BNIP5: variants seen among roughly 807,000 people sequenced by gnomAD.
The protein encoded by BNIP5 is BCL2 interacting protein 5, also known as protein BNIP5.
A neutral mutation model predicts 67.3 loss-of-function variants in BNIP5; 61 were observed. The observed-to-expected ratio is 0.91, with a 90% confidence interval of 0.74 to 1.12. The LOEUF (loss-of-function observed/expected upper bound fraction) is 1.12. Ranked by LOEUF, BNIP5 falls within the 50% of genes most tolerant of loss-of-function variation. The pLI, the probability that BNIP5 is intolerant of heterozygous loss-of-function variation, is 0.00. For synonymous variants in BNIP5, 317 were observed against 319.0 expected (o/e 0.99, Z 0.07); for missense variants, 826 against 816.3 (o/e 1.01, Z -0.14).
At position 36,336,493 on chromosome 6, in the gene BNIP5, C is replaced by T. The variant is rs1263424366; in HGVS notation, c.-5+219G>A. Among the ~76,000 whole-genome samples the T allele has an allele frequency of 2.0e-5, 3 of 152,092 alleles. No homozygotes were observed. The South Asian group carries it at 6.2e-4, about 32-fold the overall frequency. On this transcript the variant is annotated intron_variant, in intron 1 of 11. Transcript: ENST00000437635. ...GCCCAGAGCCCTTTGAGAAACACCC[C>T]GTTGAGATAATGTCATTGAACCTTG...
At chr6:36,326,315 G>A (rs1057074173) in intron 5 of BNIP5, among the ~76,000 whole-genome samples, 195 bp downstream of exon 5, 6 of 152,336 alleles carry the variant, frequency 3.9e-5, no homozygotes, top group Non-Finnish European at 8.8e-5. Flanking sequence ...AGAGCTCGCT[G>A]AGGTGTTGTG....
chr6:36,321,022 A>G (rs1582122863), intron 10 of BNIP5, 133 bp downstream of exon 10: 2 of 619,654 alleles, frequency 3.2e-6, no homozygotes, highest in East Asian at 2.8e-5. Flanking sequence ...CTCATTTTGG[A>G]AAAGAGGAAA....
chr6:36,325,378 G>A lies in BNIP5; in HGVS notation c.1073C>T (p.Thr358Ile), dbSNP rs1771738565. Residue 358 changes from threonine to isoleucine, a missense_variant, in exon 6 of 12, where the codon ACA becomes ATA. Thr to Ile is a moderately conservative substitution (Grantham distance 89). Transcript: ENST00000437635. Reference protein sequence around the residue: ...EEPKVQEAPSTEAGAPGPSVL... With the variant: ...EEPKVQEAPSIEAGAPGPSVL... Reference sequence around the variant, plus strand: ...GGAGGGACCTGGAGCCCCAGCCTCTGTAGATGGGGCCTCCTGGACTTTAGG... The same window carrying A: ...GGAGGGACCTGGAGCCCCAGCCTCTATAGATGGGGCCTCCTGGACTTTAGG... 6.2e-7 allele frequency: 1 copy of A among 1,613,906 alleles called. No individual in the cohort carries two copies. Among genetic ancestry groups the A allele is most frequent in the Middle Eastern group, 1.7e-4 (1 of 6,044 alleles).
At chr6:36,329,740 G>A (rs1254388280) in intron 2 of BNIP5, among the ~76,000 whole-genome samples, 3 of 152,110 alleles carry the variant, frequency 2.0e-5, no homozygotes, top group African/African-American at 7.2e-5. Context: ...TGACCCTGGA[G>A]GAGGAGCTTG....
At chr6:36,326,484 C>G in intron 5 of BNIP5, 26 bp downstream of exon 5, 1 of 1,613,080 alleles carries the variant, frequency 6.2e-7, no homozygotes. Flanking sequence ...TGCAGGGTTG[C>G]TATGGCAACT....
Position 36,336,098 on chromosome 6 carries a change from G to T in BNIP5, c.-5+614C>A, listed in dbSNP as rs574038352. On this transcript the variant is annotated intron_variant, in intron 1 of 11. Transcript: ENST00000437635. ...CAACACTGTGTGAGGAGTCGGTCAG[G>T]ACTGTGGGTTATAATCCACCTCCCA... is the stretch of plus-strand genomic sequence containing the variant. Among the ~76,000 whole-genome samples, 26 of 152,270 alleles carry T rather than the reference G, an allele frequency of 1.7e-4. No individual in the cohort carries two copies. The South Asian group carries it at 5.4e-3, about 32-fold the overall frequency.
intron 6 of BNIP5, 47 bp downstream of exon 6, chr6:36,325,236 A>G: frequency 6.2e-7 from 1 of 1,603,538 alleles, no homozygotes; most frequent in South Asian, 1.1e-5. Context: ...GGGAGTCAGA[A>G]CAGAAGTTTT....
At chr6:36,325,935 C>T (rs1221216163) in intron 5 of BNIP5, among the ~76,000 whole-genome samples, 5 of 152,198 alleles carry the variant, frequency 3.3e-5, no homozygotes, top group Non-Finnish European at 7.3e-5. Context: ...GCCATGTGGC[C>T]TTGAACACAT....
At chr6:36,322,134 C>A (rs1771649238) in intron 9 of BNIP5, among the ~76,000 whole-genome samples, 177 bp downstream of exon 9, 1 of 152,192 alleles carries the variant, frequency 6.6e-6, no homozygotes, top group Non-Finnish European at 1.5e-5. Flanking sequence ...TCTGCCCCAA[C>A]AGCACCAGTT....
At position 36,330,691 on chromosome 6, in the gene BNIP5, C is replaced by T. The variant is rs774786850; in HGVS notation, c.-1G>A. 9 of 1,552,280 alleles carry T rather than the reference C, an allele frequency of 5.8e-6. No homozygotes were observed. The highest frequency in any genetic ancestry group is 1.4e-5 in the African/African-American group (1 of 72,606). ...TCCTTGGGCACCTTGGATTCTCCATCGGGCTGCAACCAAAACACACAGCTC... is the reference window on the plus strand; with the variant it reads ...TCCTTGGGCACCTTGGATTCTCCATTGGGCTGCAACCAAAACACACAGCTC... On this transcript the variant is annotated 5_prime_UTR_variant, in exon 2 of 12. Coordinates refer to ENST00000437635, the MANE Select transcript of BNIP5 (RefSeq NM_001010903.5).
chr6:36,322,213 A>G (rs1162654615), intron 9 of BNIP5, 98 bp downstream of exon 9: 1 of 1,497,852 alleles, frequency 6.7e-7, no homozygotes. Flanking sequence ...TGCCTTCCCC[A>G]TTCCTTCCTC....
chr6:36,319,610 T>C lies in BNIP5; in HGVS notation c.1669A>G (p.Ile557Val). ...CTCTTAAAGCTGGGGTGGCGCCTGA[T>C]CTGGAAGTGGAAATGAAAACAGGTC... ...QEVDGQLGQQ[I>V]RRHPSFKRFF... is the part of the protein sequence containing the mutation. The change falls in exon 11 of 12, where the codon ATC becomes GTC. Residue 557 changes from isoleucine (I) to valine (V), a missense_variant and splice_region_variant. Ile to Val is a conservative substitution (Grantham distance 29). Transcript: ENST00000437635. The C allele has an allele frequency of 1.2e-6, 2 of 1,608,694 alleles. No individual in the cohort carries two copies. The highest frequency in any genetic ancestry group is 1.7e-6 in the Non-Finnish European group (2 of 1,175,706).
At position 36,328,686 on chromosome 6, in the gene BNIP5, G is replaced by A. The variant is rs1165705486; in HGVS notation, c.639C>T (p.Phe213=). The change falls in exon 3 of 12, where the codon TTC becomes TTT. Residue 213 remains phenylalanine, a synonymous_variant. Transcript: ENST00000437635. ...RGGEDSDHQS[F]LIKVDGTGAL... is the part of the protein sequence containing the mutation. ...CTCCAGTACCATCCACTTTGATGAG[G>A]AAGGACTGGTGATCAGAATCTTCCC... 1 of 1,613,660 alleles carries A rather than the reference G, an allele frequency of 6.2e-7. No individual in the cohort carries two copies. The highest frequency in any genetic ancestry group is 8.5e-7 in the Non-Finnish European group (1 of 1,179,662).
Position 36,324,221 on chromosome 6 carries a change from T to C in BNIP5, c.1169-31A>G, listed in dbSNP as rs768725343. 35 of 1,593,450 alleles carry C rather than the reference T, an allele frequency of 2.2e-5. 1 individual carries two copies. The highest frequency in any genetic ancestry group is 1.8e-4 in the East Asian group (8 of 44,766). On this transcript the variant is annotated intron_variant, in intron 6 of 11. Coordinates refer to ENST00000437635, the MANE Select transcript of BNIP5 (RefSeq NM_001010903.5). Reference sequence around the variant, plus strand: ...AAAGATCAACACGCATGGTTAACTTTGGTGCTACGAAATCTCTTCTGCGGT... The same window carrying C: ...AAAGATCAACACGCATGGTTAACTTCGGTGCTACGAAATCTCTTCTGCGGT...
At position 36,330,562 on chromosome 6, in the gene BNIP5, G is replaced by A. The variant is rs1471458933; in HGVS notation, c.129C>T (p.Pro43=). Residue 43 remains proline (P), a synonymous_variant, in exon 2 of 12, where the codon CCC becomes CCT. Transcript: ENST00000437635. The stretch of plus-strand genomic sequence containing the variant: ...TCGTCCAGTGAAGCGCCTTCCTGGA[G>A]GGGGCAGTGGGCAGGGAGAGCCAAT... ...DCHWLSLPTA[P]SRKALHWTTS... 1.2e-6 allele frequency: 2 copies of A among 1,613,758 alleles called. No homozygotes were observed. Among genetic ancestry groups the A allele is most frequent in the South Asian group, 1.1e-5 (1 of 91,086 alleles).
rs1324244961 is a variant in BNIP5, at chr6:36,330,279, C to G, written c.412G>C (p.Ala138Pro). The G allele has an allele frequency of 6.2e-7, 1 of 1,614,204 alleles. No individual in the cohort carries two copies. Among genetic ancestry groups the G allele is most frequent in the Non-Finnish European group, 8.5e-7 (1 of 1,180,026 alleles). Residue 138 changes from alanine to proline, a missense_variant, in exon 2 of 12, where the codon GCA (alanine) becomes CCA (proline). Transcript: ENST00000437635. ...GISQHPEPLE[A>P]AGEPALRKKA... ...TTCCTGAGGGCTGGCTCCCCTGCTG[C>G]TTCCAGGGGCTCCGGATGCTGGGAG...
intron 11 of BNIP5, among the ~76,000 whole-genome samples, chr6:36,317,672 T>A (rs1044047367): frequency 6.6e-6 from 1 of 152,202 alleles, no homozygotes; most frequent in Non-Finnish European, 1.5e-5. Context: ...TGGTATTTGG[T>A]TGCTATTTAA....
Position 36,325,434 on chromosome 6 carries a change from C to G in BNIP5, c.1037-20G>C, listed in dbSNP as rs141015066. 3.1e-6 allele frequency: 5 copies of G among 1,601,130 alleles called. No individual in the cohort carries two copies. The Admixed American group carries it at 8.7e-5, about 28-fold the overall frequency. The stretch of plus-strand genomic sequence containing the variant: ...CCAAGCCTGAGAAGCAGAAGGAGAA[C>G]GAGGGTGTGTTTTGTCTGTCTGGGG... On this transcript the variant is annotated intron_variant, in intron 5 of 11. Coordinates refer to ENST00000437635, the MANE Select transcript of BNIP5 (RefSeq NM_001010903.5).
chr6:36,333,351 C>G (rs993791224), intron 1 of BNIP5, among the ~76,000 whole-genome samples: 24 of 152,236 alleles, frequency 1.6e-4, no homozygotes, highest in Admixed American at 5.2e-4. Context: ...TTAAAAGGAA[C>G]ATCTGGGCTA....
Sources: allele counts gnomAD v4.1 joint callset (sites outside exome capture counted in the v4.1 genomes callset), GRCh38; gene constraint gnomAD v4.1.1; transcripts MANE v1.5; gene names NCBI Gene and HGNC (gene_info 2026-07-23, HGNC 2026-07-21).